The following TTF2 variants were observed in gnomAD, a reference collection of about 807,000 sequenced individuals.
TTF2 encodes RNA polymerase II termination factor.
In TTF2, 108 loss-of-function variants were observed where a neutral mutation model predicts 142.4. The ratio of observed to expected loss-of-function variants is 0.76; its 90% confidence interval spans 0.65 to 0.89. The LOEUF (loss-of-function observed/expected upper bound fraction) is 0.89, where lower values mean the gene tolerates loss of function less well. TTF2 is among the 40% of genes least tolerant of loss of function. The probability of loss-of-function intolerance (pLI) is 0.00; values close to 1 mark genes in which losing one functional copy is unlikely to be tolerated. For missense variants in TTF2, 1,327 were observed against 1,379.8 expected, an observed-to-expected ratio of 0.96 and a Z score of 0.61; for synonymous variants, 483 against 506.2, an observed-to-expected ratio of 0.95 and a Z score of 0.61.
Position 117,091,412 on chromosome 1 carries a change from T to G in TTF2, c.2671+2T>G. On this transcript the variant is annotated splice_donor_variant, in intron 16 of 22. Coordinates refer to ENST00000369466, the MANE Select transcript of TTF2 (RefSeq NM_003594.4). LOFTEE classifies it high-confidence loss of function. ...GCCCTAATAATCCATTCAGTAGAGG[T>G]AAGCTGTAGGACTCTCATAAATACA... is the stretch of plus-strand genomic sequence containing the variant. 1 of 1,610,128 alleles carries G rather than the reference T, an allele frequency of 6.2e-7. No homozygotes were observed. The highest frequency in any genetic ancestry group is 8.5e-7 in the Non-Finnish European group (1 of 1,178,920).
intron 4 of TTF2, 117 bp from the exon 5 acceptor site, chr1:117,074,753 C>T: frequency 1.0e-6 from 1 of 988,190 alleles, no homozygotes; most frequent in Non-Finnish European, 1.4e-6. Context: ...ACTCATATAA[C>T]AAAGCTGCAT....
At chr1:117,091,191 C>A in intron 15 of TTF2, 137 bp from the exon 16 acceptor site, 3 of 576,056 alleles carry the variant, frequency 5.2e-6, no homozygotes, top group Non-Finnish European at 8.7e-6. Context: ...TTTGCATTAC[C>A]TTTGGCCATT....
rs1461019014 is a variant in TTF2 at position 117,075,680 on chromosome 1, C to A, written c.1096C>A (p.Pro366Thr). 1 of 1,614,154 alleles carries A rather than the reference C, an allele frequency of 6.2e-7. No individual in the cohort carries two copies. Among genetic ancestry groups the A allele is most frequent in the African/African-American group, 1.3e-5 (1 of 75,052 alleles). The change falls in exon 5 of 23, where the codon CCT (proline) becomes ACT (threonine). Residue 366 changes from proline to threonine, a missense_variant. Coordinates refer to ENST00000369466, the MANE Select transcript of TTF2 (RefSeq NM_003594.4). This position sits in a 1 kb window ranked among gnomAD's most constrained non-coding sequence, Gnocchi z 4.5. ...EDDVVFVSSKPGSPLLFDSTL... is the reference protein window; with the variant it reads ...EDDVVFVSSKTGSPLLFDSTL... The stretch of plus-strand genomic sequence containing the variant: ...TGATGTTGTTTTTGTTTCCTCTAAG[C>A]CTGGGAGCCCCCTACTCTTTGACTC...
rs148683226 is a variant in TTF2, at chr1:117,076,538, C to T, written c.1391-103C>T. On this transcript the variant is annotated intron_variant, in intron 6 of 22. Transcript: ENST00000369466. The surrounding 1 kb of genome is among the most constrained non-coding windows in gnomAD (Gnocchi z 4.6). Reference sequence around the variant, plus strand: ...GCTACCTTCTCTAGGAATCCTTCATCGGAATGGTGATGATCCCTCTCTCTT... The same window carrying T: ...GCTACCTTCTCTAGGAATCCTTCATTGGAATGGTGATGATCCCTCTCTCTT... The T allele has an allele frequency of 2.0e-5, 25 of 1,266,640 alleles. No homozygotes were observed. The highest frequency in any genetic ancestry group is 1.0e-4 in the African/African-American group (7 of 67,090). 78.5% of individuals were successfully genotyped at this position (1,266,640 alleles called of 1,614,324 possible).
Position 117,092,930 on chromosome 1 carries a change from A to G in TTF2, c.2976+29A>G. ...CTTTTTGTCTCCTCTGTAGTAGTCG[A>G]GAGACTTCGATTCCTCACACATTTT... On this transcript the variant is annotated intron_variant, in intron 18 of 22. Transcript: ENST00000369466. The surrounding 1 kb of genome is among the most constrained non-coding windows in gnomAD (Gnocchi z 4.4). 6.2e-7 allele frequency: 1 copy of G among 1,611,602 alleles called. No individual in the cohort carries two copies. The highest frequency in any genetic ancestry group is 1.1e-5 in the South Asian group (1 of 90,754).
chr1:117,069,747 A>G (rs1483475293), intron 3 of TTF2, among the ~76,000 whole-genome samples: 1 of 152,200 alleles, frequency 6.6e-6, no homozygotes, highest in Non-Finnish European at 1.5e-5. Context: ...GCCTGAGAGA[A>G]CTGTAGCCTT....
rs976525840 is a variant in TTF2 at position 117,099,439 on chromosome 1, G to C, written c.3344+532G>C. Among the ~76,000 whole-genome samples, 3 of 152,104 alleles carry C rather than the reference G, an allele frequency of 2.0e-5. No individual in the cohort carries two copies. Among genetic ancestry groups the C allele is most frequent in the Non-Finnish European group, 4.4e-5 (3 of 68,024 alleles). The stretch of plus-strand genomic sequence containing the variant: ...ATAAAACACTATTATCTGATCTACA[G>C]ATCTTTTCAATCTCACTTGTCTCAG... On this transcript the variant is annotated intron_variant, in intron 22 of 22. Coordinates refer to ENST00000369466, the MANE Select transcript of TTF2 (RefSeq NM_003594.4). This position sits in a 1 kb window ranked among gnomAD's most constrained non-coding sequence, Gnocchi z 4.3.
intron 2 of TTF2, 39 bp downstream of exon 2, chr1:117,060,596 G>C: frequency 6.5e-7 from 1 of 1,549,296 alleles, no homozygotes; most frequent in Non-Finnish European, 8.7e-7. Context: ...GTGGCTGCCC[G>C]GGGCCTCCCG....
chr1:117,079,450 A>G lies in TTF2; in HGVS notation c.1702-118A>G, dbSNP rs1161006831. 2 of 935,758 alleles carry G rather than the reference A, an allele frequency of 2.1e-6. No homozygotes were observed. Among genetic ancestry groups the G allele is most frequent in the Non-Finnish European group, 3.4e-6 (2 of 594,814 alleles). 58.0% of individuals were successfully genotyped at this position (935,758 alleles called of 1,614,324 possible). A position where few individuals can be genotyped will look rare whatever the true frequency, so the allele number is the denominator to read the frequency against. ...GACTTCAAGGTGAAATGAACTGTCT[A>G]CAGAATACTGAGGGAATCATTTGTA... On this transcript the variant is annotated intron_variant, in intron 8 of 22. Coordinates refer to ENST00000369466, the MANE Select transcript of TTF2 (RefSeq NM_003594.4). This position sits in a 1 kb window ranked among gnomAD's most constrained non-coding sequence, Gnocchi z 4.2.
rs1243115608 is a variant in TTF2 at position 117,060,342 on chromosome 1, G to C, written c.-5G>C. 1.3e-6 allele frequency: 2 copies of C among 1,595,974 alleles called. No homozygotes were observed. Among genetic ancestry groups the C allele is most frequent in the Non-Finnish European group, 8.5e-7 (1 of 1,171,412 alleles). On this transcript the variant is annotated 5_prime_UTR_variant, in exon 1 of 23. Coordinates refer to ENST00000369466, the MANE Select transcript of TTF2 (RefSeq NM_003594.4). Reference sequence around the variant, plus strand: ...GGCTTTGTGGAACTTGGGGGACCCAGCGAAATGGAAGAAGTTAGGTGTCCA... The same window carrying C: ...GGCTTTGTGGAACTTGGGGGACCCACCGAAATGGAAGAAGTTAGGTGTCCA...
In TTF2 at chr1:117,073,520, T is replaced by C; in HGVS notation, c.219-141T>C. 1.6e-6 allele frequency: 1 copy of C among 636,904 alleles called. No homozygotes were observed. The highest frequency in any genetic ancestry group is 2.6e-5 in the South Asian group (1 of 39,150). 39.5% of individuals were successfully genotyped at this position (636,904 alleles called of 1,614,324 possible). ...GCAGTAAATAATTTTTAAATGTGTATATAAAAGTAATTGGTTTCAAGTGAC... is the reference window on the plus strand; with the variant it reads ...GCAGTAAATAATTTTTAAATGTGTACATAAAAGTAATTGGTTTCAAGTGAC... On this transcript the variant is annotated intron_variant, in intron 3 of 22. Coordinates refer to ENST00000369466, the MANE Select transcript of TTF2 (RefSeq NM_003594.4). This position sits in a 1 kb window ranked among gnomAD's most constrained non-coding sequence, Gnocchi z 4.4.
In TTF2 at chr1:117,084,052, C is replaced by CA. The variant is rs1557818563; in HGVS notation, c.1939dup (p.Ile647AsnfsTer13). 2 of 1,614,200 alleles carry CA rather than the reference C, an allele frequency of 1.2e-6. No individual in the cohort carries two copies. Among genetic ancestry groups the CA allele is most frequent in the Non-Finnish European group, 1.7e-6 (2 of 1,180,040 alleles). On this transcript the variant is annotated frameshift_variant, in exon 11 of 23. Coordinates refer to ENST00000369466, the MANE Select transcript of TTF2 (RefSeq NM_003594.4). LOFTEE classifies it high-confidence loss of function. The stretch of plus-strand genomic sequence containing the variant: ...ACTTTACTTCCCATGGAACACTAAT[C>CA]ATCTGTCCTGCCTCCCTGATCCATC...
At position 117,092,844 on chromosome 1, in the gene TTF2, C is replaced by T; in HGVS notation, c.2919C>T (p.Ser973=). ...LRDSEPSSTV[S]LNGTFFKMEL... ...ACTCAGAGCCATCTTCCACTGTTTC[C>T]CTTAACGGCACCTTCTTCAAGATGG... Residue 973 remains serine (S), a synonymous_variant, in exon 18 of 23, where the codon TCC becomes TCT. Coordinates refer to ENST00000369466, the MANE Select transcript of TTF2 (RefSeq NM_003594.4). The surrounding 1 kb of genome is among the most constrained non-coding windows in gnomAD (Gnocchi z 4.4). 1.2e-6 allele frequency: 2 copies of T among 1,614,192 alleles called. No individual in the cohort carries two copies. The highest frequency in any genetic ancestry group is 1.7e-6 in the Non-Finnish European group (2 of 1,180,030).
Position 117,091,854 on chromosome 1 carries a change from G to A in TTF2, c.2709G>A (p.Ser903=), listed in dbSNP as rs766013475. 51 of 1,611,078 alleles carry A rather than the reference G, an allele frequency of 3.2e-5. No homozygotes were observed. The highest frequency in any genetic ancestry group is 2.9e-4 in the East Asian group (13 of 44,740). ...LEFGSEEPRH[S]EAADSPRSST... Reference sequence around the variant, plus strand: ...TTGGGTCTGAGGAGCCTAGACACTCGGAGGCAGCAGACTCACCGAGATCCA... The same window carrying A: ...TTGGGTCTGAGGAGCCTAGACACTCAGAGGCAGCAGACTCACCGAGATCCA... Residue 903 remains serine, a synonymous_variant, in exon 17 of 23, where the codon TCG becomes TCA. Transcript: ENST00000369466.
At position 117,105,515 on chromosome 1, in the gene TTF2, G is replaced by A. The variant is rs1035077980; in HGVS notation, c.*3991G>A. ...GCAGATCACTTGAGGCCAAGAGTTC[G>A]AGACCAGACTGGCCAACATGGCAAA... On this transcript the variant is annotated 3_prime_UTR_variant, in exon 23 of 23. Coordinates refer to ENST00000369466, the MANE Select transcript of TTF2 (RefSeq NM_003594.4). This position sits in a 1 kb window ranked among gnomAD's most constrained non-coding sequence, Gnocchi z 4.7. 4 of 152,244 alleles carry A rather than the reference G, an allele frequency of 2.6e-5. No homozygotes were observed. Among genetic ancestry groups the A allele is most frequent in the Non-Finnish European group, 4.4e-5 (3 of 68,108 alleles). The allele number at this position is 152,244 out of a possible 1,614,324, so 9.4% of individuals were successfully genotyped here. A position where few individuals can be genotyped will look rare whatever the true frequency, so the allele number is the denominator to read the frequency against.
chr1:117,103,587 G>C lies in TTF2; in HGVS notation c.*2063G>C, dbSNP rs1411331277. ...CTTACAAAGGTAAAGACAATGGCCT[G>C]GTGGGAAGAATTCTAGTCTAGAACG... On this transcript the variant is annotated 3_prime_UTR_variant, in exon 23 of 23. Transcript: ENST00000369466. The C allele has an allele frequency of 6.6e-6, 1 of 152,164 alleles. No individual in the cohort carries two copies. Among genetic ancestry groups the C allele is most frequent in the Admixed American group, 6.5e-5 (1 of 15,282 alleles). The allele number at this position is 152,164 out of a possible 1,614,324, so 9.4% of individuals were successfully genotyped here.
intron 18 of TTF2, 66 bp from the exon 19 acceptor site, chr1:117,095,243 C>T (rs1649010391): frequency 1.3e-6 from 2 of 1,505,544 alleles, no homozygotes; most frequent in South Asian, 1.1e-5. Flanking sequence ...CTTCGCATGG[C>T]AGGTGAGGGG....
chr1:117,090,765 C>G lies in TTF2; in HGVS notation c.2588+142C>G, dbSNP rs1648507518. The G allele has an allele frequency of 1.4e-6, 1 of 727,994 alleles. No homozygotes were observed. The highest frequency in any genetic ancestry group is 3.0e-5 in the Admixed American group (1 of 33,804). The allele number at this position is 727,994 out of a possible 1,614,324, so 45.1% of individuals were successfully genotyped here. A position where few individuals can be genotyped will look rare whatever the true frequency, so the allele number is the denominator to read the frequency against. ...TCTGTATTCCCTTTTTTTTTTTACC[C>G]CATTTTTCTCCTTCTCCCCTCCCCA... is the stretch of plus-strand genomic sequence containing the variant. On this transcript the variant is annotated intron_variant, in intron 15 of 22. Transcript: ENST00000369466. The surrounding 1 kb of genome is among the most constrained non-coding windows in gnomAD (Gnocchi z 4.8).
chr1:117,095,323 G>A lies in TTF2; in HGVS notation c.2991G>A (p.Leu997=), dbSNP rs1649021086. ...MRESTKISSL[L]AELEAIQRNS... ...CCTTTTCCCAGATTTCATCTCTGTT[G>A]GCAGAATTGGAGGCAATTCAAAGAA... Residue 997 remains leucine (L), a synonymous_variant, in exon 19 of 23, where the codon TTG becomes TTA. Transcript: ENST00000369466. The A allele has an allele frequency of 6.2e-7, 1 of 1,614,016 alleles. No homozygotes were observed. The highest frequency in any genetic ancestry group is 8.5e-7 in the Non-Finnish European group (1 of 1,180,008).
Sources: gnomAD v4.1 joint callset for allele counts (sites outside exome capture counted in the v4.1 genomes callset) on GRCh38, gnomAD v4.1.1 for gene constraint, Gnocchi (gnomAD v3.1) non-coding constraint, MANE v1.5 for transcripts, NCBI Gene and HGNC (gene_info 2026-07-23, HGNC 2026-07-21) for gene names.